KIRREL3: variants seen among roughly 807,000 people sequenced by gnomAD.
KIRREL3 encodes kin of IRRE-like protein 3.
Under a neutral mutation model 89.7 loss-of-function variants are expected in KIRREL3, and 36 were observed. That is an observed-to-expected ratio of 0.40 (90% confidence interval 0.31 to 0.53). KIRREL3 has a LOEUF of 0.53. Among genes scored for constraint, KIRREL3 ranks in the 20% least tolerant of loss-of-function variants. KIRREL3 has a pLI of 0.49. For missense variants in KIRREL3, 864 were observed against 1,056.6 expected (o/e 0.82, Z 2.53); for synonymous variants, 445 against 441.4 (o/e 1.01, Z -0.10).
intron 1 of KIRREL3, among the ~76,000 whole-genome samples, chr11:126,941,676 T>C (rs1436070711): frequency 6.9e-6 from 1 of 145,056 alleles, no homozygotes; most frequent in Non-Finnish European, 1.5e-5. Flanking sequence ...TGAATAAGGA[T>C]TCCTGGAATA....
chr11:126,854,016 A>G (rs764313815), intron 1 of KIRREL3, among the ~76,000 whole-genome samples: 5 of 151,960 alleles, frequency 3.3e-5, no homozygotes, highest in Non-Finnish European at 7.4e-5. Context: ...CTCTTACAGC[A>G]TTCAGGGAAA....
intron 7 of KIRREL3, among the ~76,000 whole-genome samples, chr11:126,450,402 AGT>A (rs1358214887): frequency 2.7e-5 from 3 of 110,228 alleles, no homozygotes; most frequent in South Asian, 2.8e-4. Context: ...GGTATGTGTG[AGT>A]GTGTGCATGT....
At chr11:126,875,546 T>A (rs1009954680) in intron 1 of KIRREL3, among the ~76,000 whole-genome samples, 3 of 152,166 alleles carry the variant, frequency 2.0e-5, no homozygotes, top group African/African-American at 7.2e-5. Flanking sequence ...GCATTAGACA[T>A]TAGAGGTGAG....
In KIRREL3 at chr11:126,768,170, A is replaced by ATCCAATCC. The variant is rs1171306684; in HGVS notation, c.56-205259_56-205258insGGATTGGA. Among the ~76,000 whole-genome samples, 1,462 of 79,650 alleles carry ATCCAATCC rather than the reference A, an allele frequency of 0.018. 31 individuals carry two copies. Among genetic ancestry groups the ATCCAATCC allele is most frequent in the African/African-American group, 0.05 (1,267 of 25,106 alleles). The allele number at this position is 79,650 out of a possible 152,430, so 52.3% of individuals were successfully genotyped here. Reference sequence around the variant, plus strand: ...CATCCATCCATCCATCCATCCATCCAATCCATCCATCCATCCATCCATCCA... The same window carrying ATCCAATCC: ...CATCCATCCATCCATCCATCCATCCATCCAATCCATCCATCCATCCATCCATCCATCCA... On this transcript the variant is annotated intron_variant, in intron 1 of 16. Transcript: ENST00000525144. The surrounding 1 kb of genome is among the most constrained non-coding windows in gnomAD (Gnocchi z 4.5).
At chr11:126,487,684 A>C (rs1440894982) in intron 4 of KIRREL3, among the ~76,000 whole-genome samples, 1 of 152,238 alleles carries the variant, frequency 6.6e-6, no homozygotes, top group Admixed American at 6.5e-5. Flanking sequence ...TTTAATTCTC[A>C]TCTACAGTCT....
chr11:126,799,352 CTGTGTGTATCTGTGTATCTG>C (rs1159940009), intron 1 of KIRREL3, among the ~76,000 whole-genome samples: 2 of 67,878 alleles, frequency 2.9e-5, no homozygotes, highest in Non-Finnish European at 5.2e-5. Context: ...GTGTGTATCT[CTGTGTGTATCTGTGTATCTG>C]TGTGTGCATG....
At chr11:126,882,812 C>A (rs1385932140) in intron 1 of KIRREL3, among the ~76,000 whole-genome samples, 1 of 152,208 alleles carries the variant, frequency 6.6e-6, no homozygotes, top group African/African-American at 2.4e-5. Context: ...CAGCCTTCCA[C>A]TTCTGCAGAA....
At chr11:126,556,588 C>T (rs901382623) in intron 2 of KIRREL3, among the ~76,000 whole-genome samples, 4 of 151,984 alleles carry the variant, frequency 2.6e-5, no homozygotes, top group Non-Finnish European at 5.9e-5. Context: ...TAGTGAGCCA[C>T]GATGGTACCA....
In KIRREL3 at chr11:126,562,941, G is replaced by A. The variant is rs1302349909; in HGVS notation, c.56-29C>T. Reference sequence around the variant, plus strand: ...GAAGAGAAGCATAGGTGGGTGAGTTGGGAATGGGAACAGGTCAGGCATTGT... The same window carrying A: ...GAAGAGAAGCATAGGTGGGTGAGTTAGGAATGGGAACAGGTCAGGCATTGT... On this transcript the variant is annotated intron_variant, in intron 1 of 16. Transcript: ENST00000525144. The surrounding 1 kb of genome is among the most constrained non-coding windows in gnomAD (Gnocchi z 4.7). 3 of 1,585,414 alleles carry A rather than the reference G, an allele frequency of 1.9e-6. No individual in the cohort carries two copies. The Admixed American group carries it at 5.0e-5, about 26-fold the overall frequency.
At chr11:126,559,127 C>T (rs1939923771) in intron 2 of KIRREL3, among the ~76,000 whole-genome samples, 1 of 152,120 alleles carries the variant, frequency 6.6e-6, no homozygotes, top group South Asian at 2.1e-4. Context: ...TGCCTGGACC[C>T]TACTCCCAGG....
Position 126,516,428 on chromosome 11 carries a change from C to T in KIRREL3, c.433+4887G>A, listed in dbSNP as rs1454889918. ...TTCCTTTCCGTAGCATTTATTACCA[C>T]CTCACATCCTGTACAGCAATGCAAT... On this transcript the variant is annotated intron_variant, in intron 4 of 16. Coordinates refer to ENST00000525144, the MANE Select transcript of KIRREL3 (RefSeq NM_032531.4). This position sits in a 1 kb window ranked among gnomAD's most constrained non-coding sequence, Gnocchi z 4.9. Among the ~76,000 whole-genome samples the T allele has an allele frequency of 6.6e-6, 1 of 152,174 alleles. No homozygotes were observed. The highest frequency in any genetic ancestry group is 1.5e-5 in the Non-Finnish European group (1 of 68,034).
rs1946455497 is a variant in KIRREL3 at position 126,903,534 on chromosome 11, T to C, written c.55+96921A>G. Among the ~76,000 whole-genome samples the C allele has an allele frequency of 6.6e-6, 1 of 152,232 alleles. No individual in the cohort carries two copies. Among genetic ancestry groups the C allele is most frequent in the African/African-American group, 2.4e-5 (1 of 41,458 alleles). ...TTTTCTTTCTCTAACCCTTTTCTCA[T>C]TTCCTACTATTATCACATTTCTGGC... On this transcript the variant is annotated intron_variant, in intron 1 of 16. Coordinates refer to ENST00000525144, the MANE Select transcript of KIRREL3 (RefSeq NM_032531.4). This position sits in a 1 kb window ranked among gnomAD's most constrained non-coding sequence, Gnocchi z 4.5.
At chr11:126,534,617 G>A (rs1317994243) in intron 2 of KIRREL3, among the ~76,000 whole-genome samples, 1 of 152,228 alleles carries the variant, frequency 6.6e-6, no homozygotes, top group Non-Finnish European at 1.5e-5. Flanking sequence ...CACCCAGGCT[G>A]TTGTGACCTG....
intron 1 of KIRREL3, among the ~76,000 whole-genome samples, chr11:126,581,424 A>G (rs1365531130): frequency 6.6e-6 from 1 of 151,850 alleles, no homozygotes; most frequent in Admixed American, 6.6e-5. Context: ...CTGGTCATAA[A>G]CTCCTGACCT....
rs1314801388 is a variant in KIRREL3, at chr11:126,622,537, A to AAGTT, written c.56-59629_56-59626dup. Among the ~76,000 whole-genome samples the AAGTT allele has an allele frequency of 6.6e-6, 1 of 152,192 alleles. No homozygotes were observed. Among genetic ancestry groups the AAGTT allele is most frequent in the Non-Finnish European group, 1.5e-5 (1 of 68,040 alleles). ...AAATAACTCAGCACCTTCATTACAAAAGTTAGCCAGGTATGGTGGCATGTG... is the reference window on the plus strand; with the variant it reads ...AAATAACTCAGCACCTTCATTACAAAAGTTAGTTAGCCAGGTATGGTGGCATGTG... On this transcript the variant is annotated intron_variant, in intron 1 of 16. Coordinates refer to ENST00000525144, the MANE Select transcript of KIRREL3 (RefSeq NM_032531.4). The surrounding 1 kb of genome is among the most constrained non-coding windows in gnomAD (Gnocchi z 5.2).
intron 11 of KIRREL3, among the ~76,000 whole-genome samples, chr11:126,439,292 T>C (rs1329590044): frequency 6.6e-6 from 1 of 151,146 alleles, no homozygotes; most frequent in African/African-American, 2.4e-5. Flanking sequence ...GATTGCACCA[T>C]TGCACCCAGC....
Position 126,708,935 on chromosome 11 carries a change from A to T in KIRREL3, c.56-146023T>A, listed in dbSNP as rs1947647881. Among the ~76,000 whole-genome samples, 3 of 152,020 alleles carry T rather than the reference A, an allele frequency of 2.0e-5. No individual in the cohort carries two copies. The highest frequency in any genetic ancestry group is 1.3e-4 in the Admixed American group (2 of 15,262). ...GTTTCTTCCTTCAGGCTGTTTCTTGAATTGGTTTCTTCTCTATCCCACTAT... is the reference window on the plus strand; with the variant it reads ...GTTTCTTCCTTCAGGCTGTTTCTTGTATTGGTTTCTTCTCTATCCCACTAT... On this transcript the variant is annotated intron_variant, in intron 1 of 16. Transcript: ENST00000525144. This position sits in a 1 kb window ranked among gnomAD's most constrained non-coding sequence, Gnocchi z 5.7.
At chr11:126,838,037 A>G (rs967825665) in intron 1 of KIRREL3, among the ~76,000 whole-genome samples, 1 of 152,198 alleles carries the variant, frequency 6.6e-6, no homozygotes, top group African/African-American at 2.4e-5. Flanking sequence ...TCATCCCTCT[A>G]ACAAATAATA....
At chr11:126,942,201 G>T (rs1427968262) in intron 1 of KIRREL3, among the ~76,000 whole-genome samples, 1 of 152,130 alleles carries the variant, frequency 6.6e-6, no homozygotes, top group African/African-American at 2.4e-5. Flanking sequence ...ATCTCTCTGA[G>T]CCTTAGTTTA....
Sources: gnomAD v4.1 joint callset for allele counts (sites outside exome capture counted in the v4.1 genomes callset) on GRCh38, gnomAD v4.1.1 for gene constraint, Gnocchi (gnomAD v3.1) non-coding constraint, MANE v1.5 for transcripts, NCBI Gene and HGNC (gene_info 2026-07-23, HGNC 2026-07-21) for gene names.